CDKL4: variants seen among roughly 807,000 people sequenced by gnomAD.
The protein encoded by CDKL4 is cyclin-dependent kinase-like 4.
CDKL4 carries 44 observed loss-of-function variants against 42.0 expected under a neutral mutation model. That is an observed-to-expected ratio of 1.05 (90% CI 0.82 to 1.35). The LOEUF is 1.35. CDKL4 is among the 40% of genes most tolerant of loss of function. The pLI is 0.00. For missense variants in CDKL4, 393 were observed against 369.9 expected (o/e 1.06, Z -0.51); for synonymous variants, 120 against 121.6 (o/e 0.99, Z 0.09).
intron 3 of CDKL4, among the ~76,000 whole-genome samples, chr2:39,216,199 T>C (rs1020231972): frequency 2.0e-5 from 3 of 152,220 alleles, no homozygotes; most frequent in African/African-American, 7.2e-5. Flanking sequence ...ATCCCCTCAA[T>C]GTCTGGTTTT....
At chr2:39,244,132 C>G (rs1028769025), upstream of CDKL4, among the ~76,000 whole-genome samples, 2 of 152,258 alleles carry the variant, frequency 1.3e-5, no homozygotes, top group African/African-American at 4.8e-5. Flanking sequence ...ACAGCCCTCG[C>G]TCGGTCTCGA....
chr2:39,243,756 G>C (rs1679780166), intron 1 of CDKL4, among the ~76,000 whole-genome samples, 115 bp downstream of exon 1: 1 of 152,212 alleles, frequency 6.6e-6, no homozygotes, highest in African/African-American at 2.4e-5. Flanking sequence ...CTTTTCTTTC[G>C]GGGAACTTTT....
chr2:39,233,944 C>T (rs1679223040), intron 1 of CDKL4, among the ~76,000 whole-genome samples: 1 of 133,860 alleles, frequency 7.5e-6, no homozygotes, highest in Admixed American at 8.0e-5. Context: ...GACAGAGTCT[C>T]GTTCTGTCAC....
At chr2:39,245,207 T>C (rs1488718488), upstream of CDKL4, among the ~76,000 whole-genome samples, 1 of 152,218 alleles carries the variant, frequency 6.6e-6, no homozygotes, top group Admixed American at 6.5e-5. Context: ...GCCGCTTTTA[T>C]GAGTTGTAAC....
intron 3 of CDKL4, among the ~76,000 whole-genome samples, chr2:39,222,616 T>C (rs1390876962): frequency 6.6e-6 from 1 of 151,594 alleles, no homozygotes; most frequent in African/African-American, 2.4e-5. Context: ...TAAATAAATA[T>C]TATGATAGAG....
chr2:39,211,319 T>A (rs1291879832), intron 4 of CDKL4, among the ~76,000 whole-genome samples: 1 of 152,092 alleles, frequency 6.6e-6, no homozygotes, highest in Non-Finnish European at 1.5e-5. Context: ...GCCCAGGAGT[T>A]TGAGGCTCAA....
intron 3 of CDKL4, among the ~76,000 whole-genome samples, chr2:39,214,900 A>G (rs1677822596): frequency 6.6e-6 from 1 of 152,146 alleles, no homozygotes; most frequent in African/African-American, 2.4e-5. Context: ...TGTATTTTCC[A>G]CTGGGGATTG....
chr2:39,244,209 T>C (rs1343449619), upstream of CDKL4, among the ~76,000 whole-genome samples: 1 of 152,200 alleles, frequency 6.6e-6, no homozygotes, highest in African/African-American at 2.4e-5. Flanking sequence ...CGCTGCACTG[T>C]GGGAGCCCCT....
intron 5 of CDKL4, among the ~76,000 whole-genome samples, chr2:39,192,015 T>TGGGAAAA (rs1209957840): frequency 6.6e-6 from 1 of 151,876 alleles, no homozygotes. Flanking sequence ...CTCATAGGAG[T>TGGGAAAA]GGGAAAAGGA....
intron 6 of CDKL4, among the ~76,000 whole-genome samples, chr2:39,188,560 C>CAAAAAAAAAAAAAAAAAAAAAAAA: frequency 2.2e-5 from 1 of 45,240 alleles, no homozygotes; most frequent in Non-Finnish European, 3.3e-5. Context: ...CAGTCCGTCT[C>CAAAAAAAAAAAAAAAAAAAAAAAA]AAAAAAAAAA....
downstream of CDKL4, among the ~76,000 whole-genome samples, chr2:39,171,036 C>A (rs1054344931): frequency 4.8e-4 from 73 of 151,902 alleles, no homozygotes; most frequent in African/African-American, 1.7e-3. Context: ...GTGAGGAGTT[C>A]GAGACCAGCC....
chr2:39,238,992 T>A (rs1214670335), intron 1 of CDKL4, among the ~76,000 whole-genome samples: 1 of 152,234 alleles, frequency 6.6e-6, no homozygotes, highest in Non-Finnish European at 1.5e-5. Context: ...CCTCAAGTGA[T>A]CTGCCTGCTG....
intron 1 of CDKL4, among the ~76,000 whole-genome samples, chr2:39,237,409 G>C (rs912708483): frequency 6.6e-6 from 1 of 152,162 alleles, no homozygotes; most frequent in African/African-American, 2.4e-5. Flanking sequence ...AAAATCTACA[G>C]TTAACATCAT....
intron 2 of CDKL4, among the ~76,000 whole-genome samples, chr2:39,226,436 T>TTATATATATTATATATATATTA (rs1005343807): frequency 7.4e-6 from 1 of 136,046 alleles, no homozygotes; most frequent in East Asian, 2.0e-4. Flanking sequence ...TTTATATAAA[T>TTATATATATTATATATATATTA]TATATATATT....
chr2:39,213,583 T>C (rs928629867), intron 3 of CDKL4, 111 bp from the exon 4 acceptor site: 3 of 596,894 alleles, frequency 5.0e-6, no homozygotes, highest in African/African-American at 3.7e-5. Flanking sequence ...AGGAACACCA[T>C]GCGGAAGGGT....
At chr2:39,237,223 TATCTC>T (rs1353189356) in intron 1 of CDKL4, among the ~76,000 whole-genome samples, 12 of 152,222 alleles carry the variant, frequency 7.9e-5, no homozygotes, top group Non-Finnish European at 1.2e-4. Flanking sequence ...CTGTGGGACT[TATCTC>T]AGGAATGCAA....
intron 4 of CDKL4, among the ~76,000 whole-genome samples, chr2:39,211,311 C>T (rs1170178251): frequency 2.0e-5 from 3 of 152,010 alleles, no homozygotes; most frequent in Non-Finnish European, 4.4e-5. Flanking sequence ...TCACTTGAGC[C>T]CAGGAGTTTG....
At position 39,190,300 on chromosome 2, in the gene CDKL4, C is replaced by A. The variant is rs190265069; in HGVS notation, c.652+5G>T. On this transcript the variant is annotated splice_donor_5th_base_variant and intron_variant, in intron 6 of 9. Transcript: ENST00000451199. ...AACTCTGTTGCCATAAAATGCAATTCATACCTAGTGTTCTGATTATCAGAT... is the reference window on the plus strand; with the variant it reads ...AACTCTGTTGCCATAAAATGCAATTAATACCTAGTGTTCTGATTATCAGAT... The A allele has an allele frequency of 6.2e-7, 1 of 1,612,078 alleles. No homozygotes were observed.
At chr2:39,192,319 T>C (rs1408729938) in intron 5 of CDKL4, among the ~76,000 whole-genome samples, 1 of 152,146 alleles carries the variant, frequency 6.6e-6, no homozygotes, top group Non-Finnish European at 1.5e-5. Context: ...TGTTAATCTT[T>C]TGGTGTATTT....
Sources: allele counts gnomAD v4.1 joint callset (sites outside exome capture counted in the v4.1 genomes callset), GRCh38; gene constraint gnomAD v4.1.1; transcripts MANE v1.5; gene names NCBI Gene and HGNC (gene_info 2026-07-23, HGNC 2026-07-21).